UBA5: variants seen among roughly 807,000 people sequenced by gnomAD.
UBA5 encodes ubiquitin like modifier activating enzyme 5.
UBA5 carries 28 observed loss-of-function variants against 52.9 expected under a neutral mutation model. The ratio of observed to expected loss-of-function variants is 0.53; its 90% CI spans 0.39 to 0.73. UBA5 has a LOEUF of 0.73. Ranked by LOEUF, UBA5 falls within the 30% of genes least tolerant of loss-of-function variation. The probability of loss-of-function intolerance (pLI) is 0.00; values close to 1 mark genes in which losing one functional copy is unlikely to be tolerated. For synonymous variants in UBA5, 135 were observed against 162.1 expected (o/e 0.83, Z 1.27); for missense variants, 388 against 492.7 (o/e 0.79, Z 2.01).
rs1938900257 is a variant in UBA5 at position 132,677,871 on chromosome 3, CAGA to C, written c.*1348_*1350del. ...TATGTTTATAGTAAAGTCTGGAAAG[CAGA>C]AGGATAGTTTTTTTAGCCTGGAAAC... is the stretch of plus-strand genomic sequence containing the variant. On this transcript the variant is annotated 3_prime_UTR_variant, in exon 12 of 12. Transcript: ENST00000356232. The C allele has an allele frequency of 6.6e-6, 1 of 152,130 alleles. No individual in the cohort carries two copies. The highest frequency in any genetic ancestry group is 2.4e-5 in the African/African-American group (1 of 41,430). 9.4% of individuals were successfully genotyped at this position (152,130 alleles called of 1,614,324 possible).
rs1303172859 is a variant in UBA5, at chr3:132,665,873, G to A, written c.207+5G>A. 1.2e-6 allele frequency: 2 copies of A among 1,613,382 alleles called. No individual in the cohort carries two copies. Among genetic ancestry groups the A allele is most frequent in the Non-Finnish European group, 8.5e-7 (1 of 1,179,448 alleles). On this transcript the variant is annotated splice_donor_5th_base_variant and intron_variant, in intron 2 of 11. Coordinates refer to ENST00000356232, the MANE Select transcript of UBA5 (RefSeq NM_024818.6). ...GGAATTGTAAGCGACTATGAGGTAT[G>A]ATAAACCCTTTCCAAGTTTTTGTAA...
chr3:132,664,578 A>G (rs894659373), intron 1 of UBA5, among the ~76,000 whole-genome samples: 40 of 152,280 alleles, frequency 2.6e-4, no homozygotes, highest in African/African-American at 9.4e-4. Flanking sequence ...GTTGGACTCC[A>G]CATTCAAGAT....
rs1938926920 is a variant in UBA5, at chr3:132,678,601, C to T, written c.*2075C>T. 6.6e-6 allele frequency among the ~76,000 whole-genome samples: 1 copy of T among 152,102 alleles called. No individual in the cohort carries two copies. Among genetic ancestry groups the T allele is most frequent in the South Asian group, 2.1e-4 (1 of 4,820 alleles). On this transcript the variant is annotated 3_prime_UTR_variant, in exon 12 of 12. Transcript: ENST00000356232. ...TTCTCATAAAAATACTCCCTGGATA[C>T]GTACACTGAACAACACAAAAAACGT...
In UBA5 at chr3:132,666,053, AC is replaced by A. The variant is rs1559989219; in HGVS notation, c.278del (p.Thr93LysfsTer18). 1 of 1,613,502 alleles carries A rather than the reference AC, an allele frequency of 6.2e-7. No homozygotes were observed. The highest frequency in any genetic ancestry group is 8.5e-7 in the Non-Finnish European group (1 of 1,179,514). On this transcript the variant is annotated frameshift_variant, in exon 3 of 12. Transcript: ENST00000356232. LOFTEE classifies it high-confidence loss of function. ...GVGSVTAEML[T>X]RCGIGKLLLF... ...AGGTAGTGTGACTGCTGAAATGCTGACAAGATGTGGCATTGGTAAGGTAAAA... is the reference window on the plus strand; with the variant it reads ...AGGTAGTGTGACTGCTGAAATGCTGAAAGATGTGGCATTGGTAAGGTAAAA...
Position 132,660,983 on chromosome 3 carries a change from C to T in UBA5, c.161+285C>T. The T allele has an allele frequency of 6.8e-7, 1 of 1,471,008 alleles. No homozygotes were observed. Among genetic ancestry groups the T allele is most frequent in the Non-Finnish European group, 9.0e-7 (1 of 1,106,322 alleles). 91.1% of individuals were successfully genotyped at this position (1,471,008 alleles called of 1,614,324 possible). On this transcript the variant is annotated intron_variant, in intron 1 of 11. Coordinates refer to ENST00000356232, the MANE Select transcript of UBA5 (RefSeq NM_024818.6). The surrounding 1 kb of genome is among the most constrained non-coding windows in gnomAD (Gnocchi z 4.1). ...CACCCTTGCCTCTTAATTAGTCCGC[C>T]TCGCTGTGTATAAGACTGATAGTAA...
At chr3:132,660,313 G>A (rs1021166595), upstream of UBA5, 4 of 609,468 alleles carry the variant, frequency 6.6e-6, no homozygotes, top group Admixed American at 9.0e-5. The surrounding 1 kb of genome is among the most constrained non-coding windows in gnomAD (Gnocchi z 4.1). Flanking sequence ...TGATGAGGGG[G>A]AGCGATGTCT....
chr3:132,659,830 C>G, upstream of UBA5: 1 of 1,486,030 alleles, frequency 6.7e-7, no homozygotes, highest in South Asian at 1.4e-5. Context: ...GGCAACGTCC[C>G]CTCTAGAGCA....
rs1171870051 is a variant in UBA5, at chr3:132,676,503, A to C, written c.1192A>C (p.Met398Leu). 1 of 1,610,100 alleles carries C rather than the reference A, an allele frequency of 6.2e-7. No individual in the cohort carries two copies. Among genetic ancestry groups the C allele is most frequent in the Non-Finnish European group, 8.5e-7 (1 of 1,178,208 alleles). The change falls in exon 12 of 12, where the codon ATG becomes CTG. Residue 398 changes from methionine (M) to leucine (L), a missense_variant. Met to Leu is a conservative substitution (Grantham distance 15). This residue lies in a region of UBA5 where 277 missense variants were observed against 326.4 expected (regional missense o/e 0.85). Transcript: ENST00000356232. The surrounding 1 kb of genome is among the most constrained non-coding windows in gnomAD (Gnocchi z 4.1). ...TTCTGGTGAAAGCTTGGAAGACCTC[A>C]TGGCCAAAATGAAGAATATGTAGAT... is the stretch of plus-strand genomic sequence containing the variant. ...EDSGESLEDL[M>L]AKMKNM is the part of the protein sequence containing the mutation.
Position 132,666,084 on chromosome 3 carries a change from T to G in UBA5, c.297+11T>G. 6.2e-7 allele frequency: 1 copy of G among 1,611,186 alleles called. No individual in the cohort carries two copies. The highest frequency in any genetic ancestry group is 8.5e-7 in the Non-Finnish European group (1 of 1,177,516). ...TGTGGCATTGGTAAGGTAAAAACAT[T>G]TCTCTTTGCCTGTCATATAGGGAAC... On this transcript the variant is annotated intron_variant, in intron 3 of 11. Coordinates refer to ENST00000356232, the MANE Select transcript of UBA5 (RefSeq NM_024818.6).
At chr3:132,672,870 A>G (rs1302096025) in intron 8 of UBA5, among the ~76,000 whole-genome samples, 1 of 152,206 alleles carries the variant, frequency 6.6e-6, no homozygotes, top group African/African-American at 2.4e-5. Flanking sequence ...ACAGTTTATG[A>G]ATCAACTCAT....
chr3:132,661,153 C>A, intron 1 of UBA5: 1 of 914,848 alleles, frequency 1.1e-6, no homozygotes, highest in Non-Finnish European at 1.5e-6. Flanking sequence ...TGCTCCTTAA[C>A]ATCTCAAACC....
rs199763601 is a variant in UBA5, at chr3:132,671,417, C to CA, written c.580-351dup. Among the ~76,000 whole-genome samples the CA allele has an allele frequency of 1.2e-3, 183 of 150,772 alleles. 1 individual carries two copies. The highest frequency in any genetic ancestry group is 3.8e-3 in the African/African-American group (157 of 41,220). ...TAAATTGCCTGAAAACCTGGTTTCT[C>CA]AAAAAAAAATTATTTTCCTTTTGAA... On this transcript the variant is annotated intron_variant, in intron 6 of 11. Transcript: ENST00000356232.
intron 5 of UBA5, 30 bp from the exon 6 acceptor site, chr3:132,670,935 A>G: frequency 1.3e-6 from 2 of 1,547,028 alleles, no homozygotes; most frequent in South Asian, 2.2e-5. Context: ...TTGTGTCCTG[A>G]TGTTTTTCAA....
In UBA5 at chr3:132,678,873, C is replaced by T. The variant is rs113540007; in HGVS notation, c.*2347C>T. Among the ~76,000 whole-genome samples, 3,370 of 151,914 alleles carry T rather than the reference C, an allele frequency of 0.022. 138 individuals are homozygous for T. Among genetic ancestry groups the T allele is most frequent in the African/African-American group, 0.077 (3,199 of 41,430 alleles). On this transcript the variant is annotated 3_prime_UTR_variant, in exon 12 of 12. Transcript: ENST00000356232. Reference sequence around the variant, plus strand: ...CCATGTTGGCCAGGCTGGTCTTGAACTCCTGACCTCAGGTGATCCACCCAT... The same window carrying T: ...CCATGTTGGCCAGGCTGGTCTTGAATTCCTGACCTCAGGTGATCCACCCAT...
In UBA5 at chr3:132,670,951, TTTTC is replaced by T; in HGVS notation, c.495-10_495-7del. 1 of 1,609,030 alleles carries T rather than the reference TTTTC, an allele frequency of 6.2e-7. No homozygotes were observed. On this transcript the variant is annotated splice_polypyrimidine_tract_variant and intron_variant, in intron 5 of 11. Coordinates refer to ENST00000356232, the MANE Select transcript of UBA5 (RefSeq NM_024818.6). ...TGTGTCCTGATGTTTTTCAAACTTA[TTTTC>T]TTTGACTAGTAATGGTGGGTTAGAA...
At chr3:132,665,508 A>C (rs1265746443) in intron 1 of UBA5, among the ~76,000 whole-genome samples, 4 of 152,108 alleles carry the variant, frequency 2.6e-5, no homozygotes, top group Non-Finnish European at 5.9e-5. Context: ...TATTCTACCA[A>C]AGCATAGAAA....
At chr3:132,672,991 T>G (rs1278913541) in intron 8 of UBA5, among the ~76,000 whole-genome samples, 40 of 152,026 alleles carry the variant, frequency 2.6e-4, no homozygotes, top group Admixed American at 2.6e-3. Flanking sequence ...TCCAATATAA[T>G]AAGAACAAAC....
chr3:132,673,372 A>G (rs907204836), intron 8 of UBA5, among the ~76,000 whole-genome samples: 1 of 152,058 alleles, frequency 6.6e-6, no homozygotes, highest in African/African-American at 2.4e-5. Context: ...TTTGGAGACA[A>G]GGTCTCACTG....
chr3:132,671,141 C>A (rs773263197), intron 6 of UBA5, 92 bp downstream of exon 6: 12 of 1,080,234 alleles, frequency 1.1e-5, no homozygotes, highest in Non-Finnish European at 1.5e-5. Context: ...AAAAACAGTT[C>A]TGAATGTAAA....
Sources: allele counts gnomAD v4.1 joint callset (sites outside exome capture counted in the v4.1 genomes callset), GRCh38; gene constraint gnomAD v4.1.1; regional missense constraint gnomAD v4.1.1; non-coding constraint Gnocchi (gnomAD v3.1); transcripts MANE v1.5; gene names NCBI Gene and HGNC (gene_info 2026-07-23, HGNC 2026-07-21).